The following CDK5RAP2 variants were observed in gnomAD, a reference collection of about 807,000 sequenced individuals.
CDK5RAP2 encodes CDK5 regulatory subunit associated protein 2.
A neutral mutation model predicts 232.9 loss-of-function variants in CDK5RAP2; 147 were observed. The ratio of observed to expected loss-of-function variants is 0.63; its 90% CI spans 0.55 to 0.72. CDK5RAP2 has a LOEUF of 0.72. Among genes scored for constraint, CDK5RAP2 ranks in the 30% least tolerant of loss-of-function variants. The pLI, the probability that CDK5RAP2 is intolerant of heterozygous loss-of-function variation, is 0.00. For missense variants in CDK5RAP2, 2,195 were observed against 2,231.5 expected (o/e 0.98, Z 0.33); for synonymous variants, 833 against 833.7 (o/e 1.00, Z 0.01).
At chr9:120,478,744 G>A (rs2099651972) in intron 14 of CDK5RAP2, among the ~76,000 whole-genome samples, 1 of 152,144 alleles carries the variant, frequency 6.6e-6, no homozygotes, top group African/African-American at 2.4e-5. Flanking sequence ...TCATACCACT[G>A]CACTGAAGCC....
intron 17 of CDK5RAP2, among the ~76,000 whole-genome samples, chr9:120,469,220 G>T (rs937748137): frequency 6.6e-6 from 1 of 152,078 alleles, no homozygotes; most frequent in South Asian, 2.1e-4. Context: ...TGCTGAGAAA[G>T]TGGAGACCTG....
chr9:120,529,840 C>T, intron 8 of CDK5RAP2, 138 bp downstream of exon 8: 1 of 824,120 alleles, frequency 1.2e-6, no homozygotes, highest in Non-Finnish European at 2.1e-6. Context: ...GCAGTTTCTG[C>T]TCACTCCTCA....
chr9:120,472,082 C>T (rs1183746798), intron 15 of CDK5RAP2, among the ~76,000 whole-genome samples: 1 of 152,188 alleles, frequency 6.6e-6, no homozygotes, highest in South Asian at 2.1e-4. Flanking sequence ...AACTAACACA[C>T]GGCAGACTGT....
intron 12 of CDK5RAP2, among the ~76,000 whole-genome samples, chr9:120,498,597 A>G (rs2039428064): frequency 6.6e-6 from 1 of 152,162 alleles, no homozygotes; most frequent in Non-Finnish European, 1.5e-5. Context: ...TAATTTCCTG[A>G]TACTGGTAAG....
chr9:120,577,047 G>A (rs1027885692), intron 1 of CDK5RAP2, among the ~76,000 whole-genome samples: 5 of 152,082 alleles, frequency 3.3e-5, no homozygotes, highest in African/African-American at 7.2e-5. Context: ...CTACTTATAC[G>A]CGACACTTAG....
At chr9:120,525,842 T>G (rs1030813549) in intron 10 of CDK5RAP2, among the ~76,000 whole-genome samples, 2 of 152,072 alleles carry the variant, frequency 1.3e-5, no homozygotes, top group Non-Finnish European at 2.9e-5. Flanking sequence ...GGTCTCAAAT[T>G]CCTGGCCTCA....
chr9:120,467,498 G>C (rs1456170294), intron 18 of CDK5RAP2, among the ~76,000 whole-genome samples: 1 of 152,130 alleles, frequency 6.6e-6, no homozygotes, highest in Non-Finnish European at 1.5e-5. Context: ...ATTTCAGTTA[G>C]AGACCTCCCC....
chr9:120,477,255 G>A (rs2038064159), intron 15 of CDK5RAP2, 95 bp downstream of exon 15: 5 of 965,162 alleles, frequency 5.2e-6, no homozygotes, highest in Non-Finnish European at 8.3e-6. Flanking sequence ...TGCTGCCTTA[G>A]AGATCAGCAC....
intron 14 of CDK5RAP2, among the ~76,000 whole-genome samples, chr9:120,478,191 C>T (rs1382491760): frequency 1.3e-5 from 2 of 152,148 alleles, no homozygotes; most frequent in East Asian, 1.9e-4. Context: ...ATTACCACTG[C>T]CTTATGGAGT....
At chr9:120,405,114 T>C (rs1426896431) in intron 32 of CDK5RAP2, among the ~76,000 whole-genome samples, 1 of 152,158 alleles carries the variant, frequency 6.6e-6, no homozygotes, top group Non-Finnish European at 1.5e-5. Context: ...AGGGGTGTGC[T>C]ACAGTTCCTA....
rs1206256642 is a variant in CDK5RAP2, at chr9:120,580,086, C to T, written c.-108G>A. 2.9e-6 allele frequency: 2 copies of T among 680,884 alleles called. No homozygotes were observed. Among genetic ancestry groups the T allele is most frequent in the Non-Finnish European group, 5.3e-6 (2 of 377,334 alleles). The allele number at this position is 680,884 out of a possible 1,614,324, so 42.2% of individuals were successfully genotyped here. A position where few individuals can be genotyped will look rare whatever the true frequency, so the allele number is the denominator to read the frequency against. On this transcript the variant is annotated 5_prime_UTR_variant, in exon 1 of 38. Transcript: ENST00000349780. Reference sequence around the variant, plus strand: ...CAGGTCCCCGCCCCCTCCACCCCAGCTCTTGTTCAGACTCTGGCGGCGCCG... The same window carrying T: ...CAGGTCCCCGCCCCCTCCACCCCAGTTCTTGTTCAGACTCTGGCGGCGCCG...
At chr9:120,468,022 G>T (rs1462220255) in intron 17 of CDK5RAP2, 25 bp from the exon 18 acceptor site, 2 of 1,613,024 alleles carry the variant, frequency 1.2e-6, no homozygotes, top group Non-Finnish European at 8.5e-7. Context: ...CAGGGAAAAG[G>T]CTGTCTACCC....
At chr9:120,526,465 TC>T (rs145296789) in intron 10 of CDK5RAP2, among the ~76,000 whole-genome samples, 69 of 152,214 alleles carry the variant, frequency 4.5e-4, no homozygotes, top group African/African-American at 1.5e-3. Flanking sequence ...CCTCAAATTT[TC>T]CCAACCTTAT....
rs762514957 is a variant in CDK5RAP2, at chr9:120,439,558, G to A, written c.3563C>T (p.Pro1188Leu). The A allele has an allele frequency of 1.2e-5, 20 of 1,614,064 alleles. No homozygotes were observed. Among genetic ancestry groups the A allele is most frequent in the African/African-American group, 6.7e-5 (5 of 74,924 alleles). Residue 1188 changes from proline to leucine, a missense_variant, in exon 24 of 38, where the codon CCG (proline) becomes CTG (leucine). Coordinates refer to ENST00000349780, the MANE Select transcript of CDK5RAP2 (RefSeq NM_018249.6). ...RYVKHVKILG[P>L]LAPEMIDSRV... is the part of the protein sequence containing the mutation. ...GCTGTCAATCATCTCTGGGGCCAGC[G>A]GACCGAGGATTTTCACGTGTTTCAC...
rs578036743 is a variant in CDK5RAP2 at position 120,468,993 on chromosome 9, T to C, written c.1969-996A>G. Among the ~76,000 whole-genome samples the C allele has an allele frequency of 9.2e-5, 14 of 152,316 alleles. No individual in the cohort carries two copies. The South Asian group carries it at 2.1e-3, about 23-fold the overall frequency. ...GGTTCTAGTAGGAAGAACAAGACATTCTGATTTACTAAGTGCCAACCAAGT... is the reference window on the plus strand; with the variant it reads ...GGTTCTAGTAGGAAGAACAAGACATCCTGATTTACTAAGTGCCAACCAAGT... On this transcript the variant is annotated intron_variant, in intron 17 of 37. Coordinates refer to ENST00000349780, the MANE Select transcript of CDK5RAP2 (RefSeq NM_018249.6).
chr9:120,423,197 A>G lies in CDK5RAP2; in HGVS notation c.3956-456T>C, dbSNP rs145075418. On this transcript the variant is annotated intron_variant, in intron 25 of 37. Transcript: ENST00000349780. ...TTTTTTCACTTAGTATATTATTATT[A>G]TAGCCATTTCTCTTACTAAATTTGC... Among the ~76,000 whole-genome samples, 290 of 152,316 alleles carry G rather than the reference A, an allele frequency of 1.9e-3. 2 individuals carry two copies. The highest frequency in any genetic ancestry group is 1.8e-3 in the Non-Finnish European group (125 of 68,038).
At chr9:120,520,715 A>C (rs1469213072) in intron 11 of CDK5RAP2, among the ~76,000 whole-genome samples, 1 of 10,670 alleles carries the variant, frequency 9.4e-5, no homozygotes, top group African/African-American at 1.0e-4. Context: ...CATCTCATAT[A>C]TCATGATATA....
intron 3 of CDK5RAP2, among the ~76,000 whole-genome samples, chr9:120,552,309 G>C (rs2042071964): frequency 6.6e-6 from 1 of 151,952 alleles, no homozygotes. Context: ...TCTAGAACTA[G>C]AAATACCATT....
intron 22 of CDK5RAP2, among the ~76,000 whole-genome samples, chr9:120,445,423 A>G (rs1438697273): frequency 6.6e-6 from 1 of 152,072 alleles, no homozygotes; most frequent in African/African-American, 2.4e-5. Flanking sequence ...CCTTCTCTAC[A>G]TTGCTTTACG....
Sources: allele counts gnomAD v4.1 joint callset (sites outside exome capture counted in the v4.1 genomes callset), GRCh38; gene constraint gnomAD v4.1.1; transcripts MANE v1.5; gene names NCBI Gene and HGNC (gene_info 2026-07-23, HGNC 2026-07-21).